PSD3: variants seen among roughly 807,000 people sequenced by gnomAD.
The protein encoded by PSD3 is PH and SEC7 domain-containing protein 3.
A neutral mutation model predicts 105.5 loss-of-function variants in PSD3; 49 were observed. That is an observed-to-expected ratio of 0.46 (90% CI 0.37 to 0.59). The LOEUF (loss-of-function observed/expected upper bound fraction) is 0.59. PSD3 is among the 20% of genes least tolerant of loss of function. The probability of loss-of-function intolerance (pLI) is 0.00; values close to 1 mark genes in which losing one functional copy is unlikely to be tolerated. For synonymous variants in PSD3, 557 were observed against 457.8 expected, an observed-to-expected ratio of 1.22 and a Z score of -2.77; for missense variants, 1,561 against 1,263.8, an observed-to-expected ratio of 1.24 and a Z score of -3.57.
At chr8:18,681,170 G>A (rs1800366028) in intron 9 of PSD3, among the ~76,000 whole-genome samples, 1 of 152,084 alleles carries the variant, frequency 6.6e-6, no homozygotes, top group Non-Finnish European at 1.5e-5. Flanking sequence ...CGAGTTAATG[G>A]TATCTTATTT....
chr8:18,889,492 C>T (rs1172953363), intron 2 of PSD3, among the ~76,000 whole-genome samples: 2 of 152,166 alleles, frequency 1.3e-5, no homozygotes, highest in Non-Finnish European at 2.9e-5. Context: ...GGGGCCATCC[C>T]TATAGCCCAA....
intron 10 of PSD3, among the ~76,000 whole-genome samples, chr8:18,640,284 G>A (rs191517791): frequency 2.4e-4 from 36 of 152,126 alleles, no homozygotes; most frequent in African/African-American, 8.2e-4. Flanking sequence ...CTAAGATATG[G>A]AGCAGGTACC....
rs1228888940 is a variant in PSD3 at position 18,892,294 on chromosome 8, G to A, written c.131-19561C>T. Among the ~76,000 whole-genome samples the A allele has an allele frequency of 2.0e-5, 3 of 151,738 alleles. No individual in the cohort carries two copies. The East Asian group carries it at 5.8e-4, about 30-fold the overall frequency. On this transcript the variant is annotated intron_variant, in intron 2 of 15. Coordinates refer to ENST00000327040, the MANE Select transcript of PSD3 (RefSeq NM_015310.4). ...GCTGGAGTGCAGTGGTGCTATCTTG[G>A]CTCAATGCAAGCTCTGCCTCCTGGG...
intron 1 of PSD3, among the ~76,000 whole-genome samples, chr8:19,042,053 T>C (rs1305912343): frequency 2.0e-5 from 3 of 152,210 alleles, no homozygotes; most frequent in East Asian, 1.9e-4. Context: ...AATTTATCTT[T>C]ATTAAAATTG....
chr8:18,701,078 AC>A (rs1801550173), intron 9 of PSD3, among the ~76,000 whole-genome samples: 1 of 148,246 alleles, frequency 6.7e-6, no homozygotes, highest in Non-Finnish European at 1.5e-5. Context: ...CAATCCTCTC[AC>A]CCCAGCCTCC....
At chr8:18,689,899 T>C (rs1315620235) in intron 9 of PSD3, among the ~76,000 whole-genome samples, 1 of 152,226 alleles carries the variant, frequency 6.6e-6, no homozygotes, top group Non-Finnish European at 1.5e-5. Flanking sequence ...AGATGACTCC[T>C]GAGACACAGA....
intron 4 of PSD3, among the ~76,000 whole-genome samples, chr8:18,822,054 G>C (rs1812787101): frequency 6.6e-6 from 1 of 151,794 alleles, no homozygotes; most frequent in African/African-American, 2.4e-5. Context: ...CTTCAGAAAA[G>C]AAAAAAAATT....
At chr8:18,539,547 CTTTTTTTTT>C (rs547299808) in intron 15 of PSD3, among the ~76,000 whole-genome samples, 2 of 133,848 alleles carry the variant, frequency 1.5e-5, no homozygotes, top group Admixed American at 7.5e-5. Context: ...TAGTAAATTA[CTTTTTTTTT>C]TTTTTTTTTT....
intron 4 of PSD3, among the ~76,000 whole-genome samples, chr8:18,843,764 G>GTGGTGA (rs1563336614): frequency 6.6e-6 from 1 of 152,128 alleles, no homozygotes; most frequent in East Asian, 1.9e-4. Flanking sequence ...ACTGATGATG[G>GTGGTGA]TGGTGATGGT....
chr8:19,079,582 G>GGTAA (rs1317603154), intron 1 of PSD3, among the ~76,000 whole-genome samples: 4 of 152,158 alleles, frequency 2.6e-5, no homozygotes, highest in Non-Finnish European at 4.4e-5. Context: ...CCTTTAATGA[G>GGTAA]GTAAGTGACT....
intron 9 of PSD3, among the ~76,000 whole-genome samples, chr8:18,738,914 T>C (rs1318809828): frequency 6.6e-6 from 1 of 152,054 alleles, no homozygotes; most frequent in Non-Finnish European, 1.5e-5. Context: ...TTTTTTGTTC[T>C]GAAATGTACC....
chr8:19,041,735 T>C (rs1828131261), intron 1 of PSD3, among the ~76,000 whole-genome samples: 1 of 152,228 alleles, frequency 6.6e-6, no homozygotes, highest in Non-Finnish European at 1.5e-5. Context: ...TGTCCAGACA[T>C]GTTCTGAACA....
chr8:18,736,260 G>C (rs1243443129), intron 9 of PSD3, among the ~76,000 whole-genome samples: 1 of 152,118 alleles, frequency 6.6e-6, no homozygotes, highest in African/African-American at 2.4e-5. Flanking sequence ...TTGAAGGCAA[G>C]ACACTTAACT....
Position 18,677,902 on chromosome 8 carries a change from C to T in PSD3, c.2173-22217G>A, listed in dbSNP as rs564954134. ...GCGGGTGCCTGTAGTCCCAGCTACT[C>T]GGGAGGCTGAAGCAGGAGAGTGGTG... On this transcript the variant is annotated intron_variant, in intron 9 of 15. Transcript: ENST00000327040. 8.5e-4 allele frequency among the ~76,000 whole-genome samples: 128 copies of T among 151,294 alleles called. 1 individual carries two copies. Among genetic ancestry groups the T allele is most frequent in the Admixed American group, 1.4e-3 (22 of 15,192 alleles).
chr8:18,906,258 C>A (rs981785345), intron 2 of PSD3, among the ~76,000 whole-genome samples: 3 of 152,108 alleles, frequency 2.0e-5, no homozygotes, highest in Admixed American at 6.5e-5. Flanking sequence ...AGTTAAGAAA[C>A]CCTGCCTGAA....
At chr8:18,637,577 T>G (rs541068237) in intron 10 of PSD3, among the ~76,000 whole-genome samples, 11 of 152,336 alleles carry the variant, frequency 7.2e-5, no homozygotes, top group African/African-American at 2.4e-4. Flanking sequence ...AAAATGCATT[T>G]AAGATTCATC....
chr8:18,659,824 G>A (rs1271677749), intron 9 of PSD3, among the ~76,000 whole-genome samples: 2 of 152,160 alleles, frequency 1.3e-5, no homozygotes, highest in African/African-American at 2.4e-5. Context: ...TAAAACTGGA[G>A]GCATAGTCTA....
At chr8:18,694,161 T>A (rs1012753002) in intron 9 of PSD3, among the ~76,000 whole-genome samples, 3 of 152,016 alleles carry the variant, frequency 2.0e-5, no homozygotes, top group Non-Finnish European at 4.4e-5. Flanking sequence ...ACACAGTAAA[T>A]CATCATCAAT....
At chr8:19,026,693 C>T (rs1162089711) in intron 1 of PSD3, among the ~76,000 whole-genome samples, 1 of 91,734 alleles carries the variant, frequency 1.1e-5, no homozygotes, top group Non-Finnish European at 2.0e-5. Flanking sequence ...AGCAAGACCA[C>T]ATCTCTACAA....
Sources: gnomAD v4.1 joint callset for allele counts (sites outside exome capture counted in the v4.1 genomes callset) on GRCh38, gnomAD v4.1.1 for gene constraint, MANE v1.5 for transcripts, NCBI Gene and HGNC (gene_info 2026-07-23, HGNC 2026-07-21) for gene names.